ATP8A1: variants seen among roughly 807,000 people sequenced by gnomAD.
ATP8A1 encodes the protein phospholipid-transporting ATPase IA.
A neutral mutation model predicts 177.7 loss-of-function variants in ATP8A1; 90 were observed. The ratio of observed to expected loss-of-function variants is 0.51; its 90% CI spans 0.43 to 0.60. The LOEUF is 0.60. ATP8A1 is among the 20% of genes least tolerant of loss of function. ATP8A1 has a pLI of 0.00. For missense variants in ATP8A1, 1,072 were observed against 1,392.8 expected (o/e 0.77, Z 3.67); for synonymous variants, 493 against 485.9 (o/e 1.01, Z -0.19).
intron 15 of ATP8A1, among the ~76,000 whole-genome samples, chr4:42,559,444 G>GT: frequency 6.6e-6 from 1 of 152,292 alleles, no homozygotes; most frequent in African/African-American, 2.4e-5. Context: ...AAATTTAAAT[G>GT]TATCATTGTG....
rs201887337 is a variant in ATP8A1, at chr4:42,555,216, C to CCCG, written c.1413+751_1413+752insCGG. On this transcript the variant is annotated intron_variant, in intron 16 of 36. Transcript: ENST00000381668. ...TATCTATCCTATTAGTTCTGCCCCC[C>CCCG]CCTAGAGAACCCTAATACAGTCAGT... is the stretch of plus-strand genomic sequence containing the variant. 4.3e-3 allele frequency among the ~76,000 whole-genome samples: 546 copies of CCCG among 126,828 alleles called. 14 individuals carry two copies. The highest frequency in any genetic ancestry group is 0.014 in the African/African-American group (493 of 36,434). 83.2% of individuals were successfully genotyped at this position (126,828 alleles called of 152,430 possible). A position where few individuals can be genotyped will look rare whatever the true frequency, so the allele number is the denominator to read the frequency against.
rs947863157 is a variant in ATP8A1 at position 42,636,262 on chromosome 4, T to G, written c.50-9153A>C. 4.6e-5 allele frequency among the ~76,000 whole-genome samples: 7 copies of G among 152,176 alleles called. No homozygotes were observed. The South Asian group carries it at 8.3e-4, about 18-fold the overall frequency. ...GTTTTTAGTGGTATCTTAGTACAGA[T>G]AGTTCATTTAATTATAAATGCAGAA... is the stretch of plus-strand genomic sequence containing the variant. On this transcript the variant is annotated intron_variant, in intron 1 of 36. Transcript: ENST00000381668.
chr4:42,518,978 A>G (rs1324635206), intron 22 of ATP8A1, among the ~76,000 whole-genome samples: 1 of 152,224 alleles, frequency 6.6e-6, no homozygotes, highest in Non-Finnish European at 1.5e-5. Context: ...AAGAAGTGAT[A>G]TAACCCTGGC....
In ATP8A1 at chr4:42,624,629, T is replaced by A; in HGVS notation, c.270A>T (p.Ile90=). 1 of 1,368,364 alleles carries A rather than the reference T, an allele frequency of 7.3e-7. No individual in the cohort carries two copies. The highest frequency in any genetic ancestry group is 9.5e-7 in the Non-Finnish European group (1 of 1,049,982). The allele number at this position is 1,368,364 out of a possible 1,614,324, so 84.8% of individuals were successfully genotyped here. A position where few individuals can be genotyped will look rare whatever the true frequency, so the allele number is the denominator to read the frequency against. The part of the protein sequence containing the change: ...FFLFIALLQQ[I]PDVSPTGRYT... Reference sequence around the variant, plus strand: ...AACGACCTGTTGGTGACACATCAGGTATTTGCTGTTTGGAAAAAAAAAAAA... The same window carrying A: ...AACGACCTGTTGGTGACACATCAGGAATTTGCTGTTTGGAAAAAAAAAAAA... The change falls in exon 4 of 37, where the codon ATA becomes ATT. Residue 90 remains isoleucine (I), a synonymous_variant. Coordinates refer to ENST00000381668, the MANE Select transcript of ATP8A1 (RefSeq NM_006095.2).
intron 6 of ATP8A1, among the ~76,000 whole-genome samples, chr4:42,591,925 G>A (rs1734220300): frequency 6.6e-6 from 1 of 152,144 alleles, no homozygotes; most frequent in Non-Finnish European, 1.5e-5. Flanking sequence ...TACTTCTTTT[G>A]ATAGTGGACA....
chr4:42,456,724 C>A (rs968810483), intron 27 of ATP8A1, among the ~76,000 whole-genome samples: 1 of 152,098 alleles, frequency 6.6e-6, no homozygotes, highest in African/African-American at 2.4e-5. Flanking sequence ...AGCACAAATA[C>A]AAAAACAAAA....
chr4:42,541,618 G>C (rs1728395805), intron 20 of ATP8A1, among the ~76,000 whole-genome samples: 1 of 152,150 alleles, frequency 6.6e-6, no homozygotes, highest in African/African-American at 2.4e-5. Context: ...ATTGGAAAGA[G>C]ACCAAGATGT....
intron 27 of ATP8A1, 51 bp downstream of exon 27, chr4:42,464,639 C>A (rs371398414): frequency 4.6e-6 from 5 of 1,079,854 alleles, no homozygotes; most frequent in African/African-American, 3.2e-5. Flanking sequence ...AAGAAAATTT[C>A]TTTAAATATG....
At chr4:42,575,281 T>C (rs547579396) in intron 13 of ATP8A1, among the ~76,000 whole-genome samples, 1 of 152,246 alleles carries the variant, frequency 6.6e-6, no homozygotes. Context: ...GCTTCGTTGA[T>C]GAACTTTTCC....
chr4:42,533,129 T>C (rs1727449102), intron 20 of ATP8A1, among the ~76,000 whole-genome samples: 1 of 152,086 alleles, frequency 6.6e-6, no homozygotes, highest in Non-Finnish European at 1.5e-5. Context: ...CATGAACATA[T>C]CAGGAAAGCC....
chr4:42,634,676 G>A (rs547701452), intron 1 of ATP8A1, among the ~76,000 whole-genome samples: 1 of 152,162 alleles, frequency 6.6e-6, no homozygotes, highest in African/African-American at 2.4e-5. Flanking sequence ...GCTCTTACAA[G>A]AGTTTGTGGG....
At chr4:42,535,224 T>C (rs1727683946) in intron 20 of ATP8A1, among the ~76,000 whole-genome samples, 1 of 152,140 alleles carries the variant, frequency 6.6e-6, no homozygotes. Context: ...TTGAGAGACT[T>C]ACCTGACATA....
At position 42,552,610 on chromosome 4, in the gene ATP8A1, G is replaced by T; in HGVS notation, c.1414C>A (p.Pro472Thr). Residue 472 changes from proline (P) to threonine (T), a missense_variant and splice_region_variant, in exon 17 of 37, where the codon CCA becomes ACA. Transcript: ENST00000381668. ...SLLENLQNNH[P>T]TAPIICEFLT... The stretch of plus-strand genomic sequence containing the variant: ...AATTCACATATTATAGGTGCAGTTG[G>T]CTGTGAAAAATAAACACATAATTTA... 2 of 1,609,296 alleles carry T rather than the reference G, an allele frequency of 1.2e-6. No individual in the cohort carries two copies.
intron 16 of ATP8A1, among the ~76,000 whole-genome samples, chr4:42,555,152 ATCT>A (rs1730041065): frequency 3.6e-5 from 4 of 110,016 alleles, no homozygotes; most frequent in African/African-American, 1.2e-4. Flanking sequence ...CTATCTATCT[ATCT>A]ATCTATCTAT....
chr4:42,503,434 A>G lies in ATP8A1; in HGVS notation c.2151+16T>C, dbSNP rs752838416. Reference sequence around the variant, plus strand: ...ATATTATTAAAGGAGTTTTAAAAATACATAATTTTACTTACATCAAGAGAG... The same window carrying G: ...ATATTATTAAAGGAGTTTTAAAAATGCATAATTTTACTTACATCAAGAGAG... On this transcript the variant is annotated intron_variant, in intron 24 of 36. Coordinates refer to ENST00000381668, the MANE Select transcript of ATP8A1 (RefSeq NM_006095.2). The G allele has an allele frequency of 8.1e-6, 12 of 1,477,200 alleles. No homozygotes were observed. The highest frequency in any genetic ancestry group is 1.1e-5 in the Non-Finnish European group (12 of 1,066,124). 91.5% of individuals were successfully genotyped at this position (1,477,200 alleles called of 1,614,324 possible).
rs777847439 is a variant in ATP8A1 at position 42,461,244 on chromosome 4, C to CTTTTTTTTTTTTTTTT, written c.2619+3445_2619+3446insAAAAAAAAAAAAAAAA. 3.8e-4 allele frequency among the ~76,000 whole-genome samples: 32 copies of CTTTTTTTTTTTTTTTT among 84,524 alleles called. 1 individual carries two copies. Among genetic ancestry groups the CTTTTTTTTTTTTTTTT allele is most frequent in the Non-Finnish European group, 5.6e-4 (24 of 43,116 alleles). The allele number at this position is 84,524 out of a possible 152,430, so 55.5% of individuals were successfully genotyped here. Reference sequence around the variant, plus strand: ...TAAAATATACTGAGATCAATTTTTTCTTTCTTTTTTTTTTTTTTGCTTTTT... The same window carrying CTTTTTTTTTTTTTTTT: ...TAAAATATACTGAGATCAATTTTTTCTTTTTTTTTTTTTTTTTTTCTTTTTTTTTTTTTTGCTTTTT... On this transcript the variant is annotated intron_variant, in intron 27 of 36. Coordinates refer to ENST00000381668, the MANE Select transcript of ATP8A1 (RefSeq NM_006095.2).
chr4:42,586,284 G>A (rs3214048), intron 9 of ATP8A1, 65 bp downstream of exon 9: 330,275 of 1,556,742 alleles, frequency 0.21, 37,871 homozygotes, highest in East Asian at 0.43. Context: ...TCCAGACTTA[G>A]AAGACACAGC....
In ATP8A1 at chr4:42,519,267, T is replaced by A. The variant is rs1364258750; in HGVS notation, c.1947+2893A>T. On this transcript the variant is annotated intron_variant, in intron 22 of 36. Coordinates refer to ENST00000381668, the MANE Select transcript of ATP8A1 (RefSeq NM_006095.2). Reference sequence around the variant, plus strand: ...ACCACATCCAGCTAATTTTTAAAAATTATTTACAGAGATGGAGTCTCCCCC... The same window carrying A: ...ACCACATCCAGCTAATTTTTAAAAAATATTTACAGAGATGGAGTCTCCCCC... Among the ~76,000 whole-genome samples, 2 of 152,066 alleles carry A rather than the reference T, an allele frequency of 1.3e-5. 1 individual carries two copies. Among genetic ancestry groups the A allele is most frequent in the Non-Finnish European group, 2.9e-5 (2 of 68,018 alleles).
At chr4:42,634,503 TC>T (rs1334369126) in intron 1 of ATP8A1, among the ~76,000 whole-genome samples, 13 of 152,284 alleles carry the variant, frequency 8.5e-5, no homozygotes, top group African/African-American at 3.1e-4. Context: ...ATACCATGCA[TC>T]CTTTTTCTCA....
Sources: gnomAD v4.1 joint callset for allele counts (sites outside exome capture counted in the v4.1 genomes callset) on GRCh38, gnomAD v4.1.1 for gene constraint, MANE v1.5 for transcripts, NCBI Gene and HGNC (gene_info 2026-07-23, HGNC 2026-07-21) for gene names.